The following TRAP1 variants were observed in gnomAD, a reference collection of about 807,000 sequenced individuals.
TRAP1 encodes the protein heat shock protein 75 kDa, mitochondrial.
A neutral mutation model predicts 89.1 loss-of-function variants in TRAP1; 102 were observed. That is an observed-to-expected ratio of 1.15 (90% CI 0.98 to 1.35). TRAP1 has a LOEUF of 1.35. Ranked by LOEUF, TRAP1 falls within the 40% of genes most tolerant of loss-of-function variation. The pLI, the probability that TRAP1 is intolerant of heterozygous loss-of-function variation, is 0.00. For missense variants in TRAP1, 1,256 were observed against 945.3 expected (o/e 1.33, Z -4.31); for synonymous variants, 508 against 388.0 (o/e 1.31, Z -3.64).
chr16:3,705,797 A>G (rs2051434684), intron 1 of TRAP1, among the ~76,000 whole-genome samples: 1 of 151,874 alleles, frequency 6.6e-6, no homozygotes, highest in South Asian at 2.1e-4. Context: ...CTCCTGCCTC[A>G]GCCTCCCGAG....
intron 11 of TRAP1, 29 bp downstream of exon 11, chr16:3,671,693 G>C: frequency 6.2e-7 from 1 of 1,608,782 alleles, no homozygotes; most frequent in Non-Finnish European, 8.5e-7. Context: ...GTCCCCAGCA[G>C]GGTCCTCTCC....
chr16:3,711,833 A>C (rs1400149829), intron 1 of TRAP1, among the ~76,000 whole-genome samples: 2 of 152,170 alleles, frequency 1.3e-5, no homozygotes, highest in Non-Finnish European at 2.9e-5. Context: ...TCCTAGTAGA[A>C]GGCAGGTCTT....
intron 1 of TRAP1, among the ~76,000 whole-genome samples, chr16:3,700,268 A>G (rs762245491): frequency 6.1e-5 from 9 of 148,354 alleles, no homozygotes; most frequent in Admixed American, 6.1e-4. Flanking sequence ...CCCGGGTTCA[A>G]GCGATTCTCC....
At chr16:3,690,702 A>G (rs2051202041) in intron 2 of TRAP1, 125 bp downstream of exon 2, 1 of 1,062,838 alleles carries the variant, frequency 9.4e-7, no homozygotes, top group African/African-American at 1.6e-5. Flanking sequence ...CCTACAGCCA[A>G]GACCTTCTGA....
chr16:3,666,381 G>A (rs1011117249), intron 11 of TRAP1, among the ~76,000 whole-genome samples: 6 of 152,186 alleles, frequency 3.9e-5, no homozygotes, highest in Middle Eastern at 3.4e-3. Flanking sequence ...ACCCACGCCC[G>A]GAAAACCCTT....
Position 3,662,893 on chromosome 16 carries a change from T to G in TRAP1, c.1783A>C (p.Thr595Pro). 1 of 1,613,588 alleles carries G rather than the reference T, an allele frequency of 6.2e-7. No individual in the cohort carries two copies. Among genetic ancestry groups the G allele is most frequent in the South Asian group, 1.1e-5 (1 of 91,086 alleles). Residue 595 changes from threonine (T) to proline (P), a missense_variant, in exon 15 of 18, where the codon ACC becomes CCC. Transcript: ENST00000246957. ...CGGGAAAGCCTCACCTTCACGTTGG[T>G]GACACGCGACCCCAGCACATTTCTC... ...WMRNVLGSRV[T>P]NVKVTLRLDT...
chr16:3,675,588 C>T (rs1156427830), intron 7 of TRAP1, among the ~76,000 whole-genome samples, 191 bp from the exon 8 acceptor site: 2 of 152,142 alleles, frequency 1.3e-5, no homozygotes, highest in East Asian at 3.9e-4. Flanking sequence ...AGCAGCGGAG[C>T]CCACGTGAGA....
intron 9 of TRAP1, 74 bp from the exon 10 acceptor site, chr16:3,672,894 G>A (rs1013855256): frequency 2.8e-5 from 43 of 1,530,176 alleles, no homozygotes; most frequent in African/African-American, 1.8e-4. Context: ...AGGTGGGGGC[G>A]GACACGATGA....
rs1249405441 is a variant in TRAP1 at position 3,664,430 on chromosome 16, C to T, written c.1413G>A (p.Glu471=). ...KEDIAKLLRY[E]SSALPSGQLT... The stretch of plus-strand genomic sequence containing the variant: ...GCTGCCCGGAGGGCAGCGCCGAGGA[C>T]TCGTAGCGCAGCAGCTTTGCTATGT... Residue 471 remains glutamate, a synonymous_variant, in exon 13 of 18, where the codon GAG becomes GAA. Transcript: ENST00000246957. 1 of 1,612,308 alleles carries T rather than the reference C, an allele frequency of 6.2e-7. No homozygotes were observed. Among genetic ancestry groups the T allele is most frequent in the Non-Finnish European group, 8.5e-7 (1 of 1,179,442 alleles).
At chr16:3,709,227 CAA>C (rs58859365) in intron 1 of TRAP1, among the ~76,000 whole-genome samples, 2,185 of 82,322 alleles carry the variant, frequency 0.027, 19 homozygotes, top group South Asian at 0.065. Context: ...AACTCCATCT[CAA>C]AAAAAAAAAA....
chr16:3,675,271 C>T (rs751831004), intron 8 of TRAP1, 53 bp downstream of exon 8: 35 of 1,571,984 alleles, frequency 2.2e-5, no homozygotes, highest in Non-Finnish European at 2.7e-5. Context: ...TGCCCTGAAA[C>T]GTACAGATTT....
At position 3,689,052 on chromosome 16, in the gene TRAP1, C is replaced by G. The variant is rs534486042; in HGVS notation, c.330+3G>C. ...CATCGGGCATGGTTAGCAGGGAACG[C>G]ACCTCTTTTTCTGAGTACAGGGACC... On this transcript the variant is annotated splice_donor_region_variant and intron_variant, in intron 3 of 17. Coordinates refer to ENST00000246957, the MANE Select transcript of TRAP1 (RefSeq NM_016292.3). The G allele has an allele frequency of 6.2e-7, 1 of 1,610,060 alleles. No individual in the cohort carries two copies. Among genetic ancestry groups the G allele is most frequent in the Non-Finnish European group, 8.5e-7 (1 of 1,178,034 alleles).
rs189167670 is a variant in TRAP1, at chr16:3,661,976, C to T, written c.1940+11G>A. ...TCCCACAGGCTGGAAGAGCCAGGAG[C>T]GTGGCCTCACCTGGGGTTGATCTCC... On this transcript the variant is annotated intron_variant, in intron 16 of 17. Transcript: ENST00000246957. 3,242 of 1,593,666 alleles carry T rather than the reference C, an allele frequency of 2.0e-3. 9 individuals carry two copies. Among genetic ancestry groups the T allele is most frequent in the Non-Finnish European group, 2.5e-3 (2,882 of 1,168,202 alleles).
intron 11 of TRAP1, among the ~76,000 whole-genome samples, chr16:3,670,562 G>A (rs748209573): frequency 6.6e-6 from 1 of 151,876 alleles, no homozygotes; most frequent in Non-Finnish European, 1.5e-5. Context: ...AAATTAGCCA[G>A]GCATGGTAGC....
At chr16:3,698,168 T>C (rs1205094802) in intron 1 of TRAP1, among the ~76,000 whole-genome samples, 1 of 151,824 alleles carries the variant, frequency 6.6e-6, no homozygotes, top group Non-Finnish European at 1.5e-5. Context: ...ATAGAAGTCC[T>C]CACAATTGGG....
chr16:3,677,512 C>A lies in TRAP1; in HGVS notation c.690G>T (p.Gln230His), dbSNP rs2051014562. ...RSAAPGSLGY[Q>H]WLSDGSGVFE... Reference sequence around the variant, plus strand: ...TCGTCACTCACCCATCTGAAAGCCACTGGTAACCCAGGCTCCCCGGGGCTG... The same window carrying A: ...TCGTCACTCACCCATCTGAAAGCCAATGGTAACCCAGGCTCCCCGGGGCTG... The change falls in exon 6 of 18, where the codon CAG becomes CAT. Residue 230 changes from glutamine to histidine, a missense_variant. Coordinates refer to ENST00000246957, the MANE Select transcript of TRAP1 (RefSeq NM_016292.3). 1 of 1,614,220 alleles carries A rather than the reference C, an allele frequency of 6.2e-7. No homozygotes were observed. Among genetic ancestry groups the A allele is most frequent in the Non-Finnish European group, 8.5e-7 (1 of 1,180,040 alleles).
chr16:3,674,471 C>G lies in TRAP1; in HGVS notation c.912G>C (p.Lys304Asn), dbSNP rs1366793494. Residue 304 changes from lysine (K) to asparagine (N), a missense_variant, in exon 9 of 18, where the codon AAG (lysine) becomes AAC (asparagine). By Grantham distance (94) the Lys-to-Asn change is moderately conservative (BLOSUM62 0). Transcript: ENST00000246957. ...TLQAIWMMDPKDVREWQHEEF... is the reference protein window; with the variant it reads ...TLQAIWMMDPNDVREWQHEEF... The stretch of plus-strand genomic sequence containing the variant: ...CCTCATGTTGCCACTCACGGACATC[C>G]TTGGGGTCCATCATCCAGATGGCCT... The G allele has an allele frequency of 6.2e-7, 1 of 1,614,000 alleles. No homozygotes were observed.
At chr16:3,712,285 CAAAAAAAAAAAAAA>C (rs764259574) in intron 1 of TRAP1, among the ~76,000 whole-genome samples, 452 of 32,090 alleles carry the variant, frequency 0.014, 9 homozygotes, top group African/African-American at 0.047. Flanking sequence ...GAATCTGTCT[CAAAAAAAAAAAAAA>C]AAAAAAAAAA....
rs967458523 is a variant in TRAP1 at position 3,663,535 on chromosome 16, C to T, written c.1597G>A (p.Glu533Lys). ...TCACGAAGGTGCAGCAGGGTGAGCT[C>T]ATCAAACTGCTCAAAGCAGAAGAGA... ...EVLFCFEQFD[E>K]LTLLHLREFD... The change falls in exon 14 of 18, where the codon GAG (glutamate) becomes AAG (lysine). Residue 533 changes from glutamate (E) to lysine (K), a missense_variant. By Grantham distance (56) the Glu-to-Lys change is moderately conservative. Coordinates refer to ENST00000246957, the MANE Select transcript of TRAP1 (RefSeq NM_016292.3). The T allele has an allele frequency of 1.2e-6, 2 of 1,614,078 alleles. No homozygotes were observed. The highest frequency in any genetic ancestry group is 1.7e-6 in the Non-Finnish European group (2 of 1,180,006).
Sources: gnomAD v4.1 joint callset for allele counts (sites outside exome capture counted in the v4.1 genomes callset) on GRCh38, gnomAD v4.1.1 for gene constraint, MANE v1.5 for transcripts, NCBI Gene and HGNC (gene_info 2026-07-23, HGNC 2026-07-21) for gene names.